SDK2: variants seen among roughly 807,000 people sequenced by gnomAD.
SDK2 encodes sidekick cell adhesion molecule 2, also known as protein sidekick-2.
In SDK2, 105 loss-of-function variants were observed where a neutral mutation model predicts 253.9. The ratio of observed to expected loss-of-function variants is 0.41; its 90% CI spans 0.35 to 0.49. The LOEUF (loss-of-function observed/expected upper bound fraction) is 0.49. Ranked by LOEUF, SDK2 falls within the 20% of genes least tolerant of loss-of-function variation. The pLI is 0.06. For synonymous variants in SDK2, 1,249 were observed against 1,234.9 expected (o/e 1.01, Z -0.24); for missense variants, 2,608 against 3,003.0 (o/e 0.87, Z 3.07).
rs531040572 is a variant in SDK2, at chr17:73,623,306, G to A, written c.64+20719C>T. On this transcript the variant is annotated intron_variant, in intron 1 of 44. Transcript: ENST00000392650. ...TTTACAGATAGGGAAACTGATGCTCGGAGAGGCTGGGTCACTTGTCTAGGG... is the reference window on the plus strand; with the variant it reads ...TTTACAGATAGGGAAACTGATGCTCAGAGAGGCTGGGTCACTTGTCTAGGG... Among the ~76,000 whole-genome samples, 85 of 152,286 alleles carry A rather than the reference G, an allele frequency of 5.6e-4. 1 individual carries two copies. The South Asian group carries it at 0.016, about 28-fold the overall frequency.
intron 1 of SDK2, among the ~76,000 whole-genome samples, chr17:73,590,570 A>C (rs2045666988): frequency 6.6e-6 from 1 of 152,198 alleles, no homozygotes; most frequent in African/African-American, 2.4e-5. Context: ...TAAGTCTTCA[A>C]CACACCCTGA....
rs1482029186 is a variant in SDK2, at chr17:73,379,556, G to A, written c.4763-7C>T. 1.3e-6 allele frequency: 2 copies of A among 1,559,978 alleles called. No individual in the cohort carries two copies. Among genetic ancestry groups the A allele is most frequent in the African/African-American group, 2.7e-5 (2 of 73,816 alleles). ...CGCCTGTGCTTGTTCAGGTCTGTGGGGGAGAGTGGGGGAGGGGAAGCACAC... is the reference window on the plus strand; with the variant it reads ...CGCCTGTGCTTGTTCAGGTCTGTGGAGGAGAGTGGGGGAGGGGAAGCACAC... On this transcript the variant is annotated splice_region_variant and splice_polypyrimidine_tract_variant and intron_variant, in intron 34 of 44. Transcript: ENST00000392650. This position sits in a 1 kb window ranked among gnomAD's most constrained non-coding sequence, Gnocchi z 4.5.
At chr17:73,461,381 T>C (rs2063561295) in intron 3 of SDK2, among the ~76,000 whole-genome samples, 1 of 152,192 alleles carries the variant, frequency 6.6e-6, no homozygotes, top group Admixed American at 6.5e-5. Context: ...AAACGTTTGG[T>C]GATGTCTATG....
At chr17:73,458,675 T>C (rs1197782920) in intron 3 of SDK2, among the ~76,000 whole-genome samples, 1 of 152,218 alleles carries the variant, frequency 6.6e-6, no homozygotes, top group South Asian at 2.1e-4. Context: ...CTCCGTCACC[T>C]CCTTGCCAAG....
At chr17:73,632,070 G>A (rs2046278216) in intron 1 of SDK2, among the ~76,000 whole-genome samples, 2 of 152,248 alleles carry the variant, frequency 1.3e-5, no homozygotes, top group Admixed American at 1.3e-4. Context: ...GGGTCCCCTT[G>A]GGAGGGGCAA....
chr17:73,426,308 C>G (rs1289065384), intron 12 of SDK2, among the ~76,000 whole-genome samples: 1 of 144,810 alleles, frequency 6.9e-6, no homozygotes, highest in African/African-American at 2.5e-5. Context: ...CTCAGGTGAT[C>G]CGCCTGCCTC....
intron 1 of SDK2, among the ~76,000 whole-genome samples, chr17:73,523,048 T>C (rs142358489): frequency 1.7e-3 from 265 of 152,280 alleles, no homozygotes; most frequent in Middle Eastern, 0.01. Flanking sequence ...CCAACCTCTC[T>C]TGCTGGCAGA....
intron 1 of SDK2, among the ~76,000 whole-genome samples, chr17:73,578,542 C>T (rs1038077092): frequency 6.6e-6 from 1 of 152,046 alleles, no homozygotes; most frequent in South Asian, 2.1e-4. Flanking sequence ...ATTAATGACT[C>T]GGTGACACAC....
In SDK2 at chr17:73,369,222, C is replaced by T. The variant is rs995885517; in HGVS notation, c.4981-629G>A. ...GGAGGAATAAAGCAAATCCGTCCTA[C>T]GGGAGGCTGAGCTGGGGAGATAAGG... is the stretch of plus-strand genomic sequence containing the variant. On this transcript the variant is annotated intron_variant, in intron 36 of 44. Transcript: ENST00000392650. 1.0e-4 allele frequency: 48 copies of T among 467,646 alleles called. No homozygotes were observed. In the Middle Eastern group the frequency reaches 2.0e-3, roughly 19 times the overall value. The allele number at this position is 467,646 out of a possible 1,614,324, so 29.0% of individuals were successfully genotyped here. A position where few individuals can be genotyped will look rare whatever the true frequency, so the allele number is the denominator to read the frequency against.
chr17:73,457,270 CCTTCCTTCCTTCCTT>C (rs2063533640), intron 3 of SDK2, among the ~76,000 whole-genome samples: 4 of 57,954 alleles, frequency 6.9e-5, no homozygotes, highest in Admixed American at 3.8e-4. Flanking sequence ...TTCCTTCCTT[CCTTCCTTCCTTCCTT>C]CCCCCCTCCC....
intron 10 of SDK2, among the ~76,000 whole-genome samples, chr17:73,433,428 A>G (rs1003095415): frequency 6.6e-6 from 1 of 152,162 alleles, no homozygotes; most frequent in Non-Finnish European, 1.5e-5. Flanking sequence ...CTGGGATTAC[A>G]GGCAACTGCC....
chr17:73,361,099 C>G lies in SDK2; in HGVS notation c.5467+585G>C, dbSNP rs1057458804. Among the ~76,000 whole-genome samples the G allele has an allele frequency of 6.6e-6, 1 of 152,060 alleles. No homozygotes were observed. The highest frequency in any genetic ancestry group is 1.5e-5 in the Non-Finnish European group (1 of 68,000). On this transcript the variant is annotated intron_variant, in intron 39 of 44. Coordinates refer to ENST00000392650, the MANE Select transcript of SDK2 (RefSeq NM_001144952.2). The surrounding 1 kb of genome is among the most constrained non-coding windows in gnomAD (Gnocchi z 4.1). ...CAGGGCCCTGGCTGTGAATAGGTGA[C>G]CTGCTCCATCAGGTGTTTCTCAAGG...
chr17:73,366,511 A>T (rs2062686785), intron 37 of SDK2, among the ~76,000 whole-genome samples: 1 of 152,172 alleles, frequency 6.6e-6, no homozygotes, highest in Non-Finnish European at 1.5e-5. Flanking sequence ...GCTCTTTAAA[A>T]GCCACATGTC....
chr17:73,357,730 T>C (rs1398941832), intron 40 of SDK2: 1 of 350,014 alleles, frequency 2.9e-6, no homozygotes, highest in Non-Finnish European at 5.3e-6. Context: ...AGGGTCTTCT[T>C]AGTTATGGGG....
intron 12 of SDK2, among the ~76,000 whole-genome samples, chr17:73,425,196 G>A (rs1032278540): frequency 6.6e-6 from 1 of 151,854 alleles, no homozygotes; most frequent in Non-Finnish European, 1.5e-5. Flanking sequence ...CTCCAGCCTG[G>A]GCGACACAGC....
At chr17:73,506,493 A>T (rs77113071) in intron 2 of SDK2, among the ~76,000 whole-genome samples, 4 of 151,898 alleles carry the variant, frequency 2.6e-5, no homozygotes, top group African/African-American at 9.7e-5. Context: ...TGGCCTCCGC[A>T]CTCCCTAAAG....
intron 18 of SDK2, among the ~76,000 whole-genome samples, chr17:73,409,059 G>A (rs1204928254): frequency 6.6e-6 from 1 of 152,208 alleles, no homozygotes; most frequent in Admixed American, 6.5e-5. Flanking sequence ...CAAGGGAAAG[G>A]CAGAGGGTTG....
At chr17:73,526,014 G>A (rs1317996639) in intron 1 of SDK2, among the ~76,000 whole-genome samples, 1 of 152,240 alleles carries the variant, frequency 6.6e-6, no homozygotes, top group East Asian at 1.9e-4. Context: ...TGGGACAAGT[G>A]CGCGACAGAG....
intron 38 of SDK2, among the ~76,000 whole-genome samples, chr17:73,362,754 G>A (rs2062651812): frequency 6.6e-6 from 1 of 152,200 alleles, no homozygotes; most frequent in Admixed American, 6.6e-5. Context: ...AACTAGAGGG[G>A]ACGCTTGAGC....
Sources: allele counts gnomAD v4.1 joint callset (sites outside exome capture counted in the v4.1 genomes callset), GRCh38; gene constraint gnomAD v4.1.1; non-coding constraint Gnocchi (gnomAD v3.1); transcripts MANE v1.5; gene names NCBI Gene and HGNC (gene_info 2026-07-23, HGNC 2026-07-21).